Variants in CADM1 observed in about 807,000 individuals in gnomAD.
CADM1 encodes TSLC-1.
A neutral mutation model predicts 53.1 loss-of-function variants in CADM1; 15 were observed. The observed-to-expected ratio is 0.28, with a 90% confidence interval of 0.19 to 0.44. The LOEUF (loss-of-function observed/expected upper bound fraction) is 0.44. Among genes scored for constraint, CADM1 ranks in the 20% least tolerant of loss-of-function variants. The pLI is 1.00. For synonymous variants in CADM1, 281 were observed against 243.0 expected, an observed-to-expected ratio of 1.16 and a Z score of -1.45; for missense variants, 434 against 611.3, an observed-to-expected ratio of 0.71 and a Z score of 3.06.
intron 3 of CADM1, among the ~76,000 whole-genome samples, chr11:115,236,962 T>C (rs1017322805): frequency 1.3e-5 from 2 of 152,194 alleles, no homozygotes; most frequent in Admixed American, 1.3e-4. Context: ...TAAAGGTATA[T>C]GTAGTAAAAT....
At chr11:115,402,885 G>A (rs1483570821) in intron 1 of CADM1, among the ~76,000 whole-genome samples, 2 of 151,964 alleles carry the variant, frequency 1.3e-5, no homozygotes, top group East Asian at 3.9e-4. Context: ...TCAGTACAGA[G>A]GTAAACATAA....
intron 1 of CADM1, among the ~76,000 whole-genome samples, chr11:115,428,005 CAAAAAAA>C (rs66872817): frequency 1.9e-5 from 1 of 54,032 alleles, no homozygotes; most frequent in African/African-American, 8.9e-5. Context: ...GACTCCATCT[CAAAAAAA>C]AAAAAAAAAA....
chr11:115,177,801 T>G (rs193154609), intron 11 of CADM1, among the ~76,000 whole-genome samples: 2 of 152,046 alleles, frequency 1.3e-5, no homozygotes, highest in African/African-American at 4.8e-5. Flanking sequence ...GCACTCTGTA[T>G]CCTAAAGGTG....
chr11:115,402,824 C>G (rs1947197510), intron 1 of CADM1, among the ~76,000 whole-genome samples: 1 of 151,994 alleles, frequency 6.6e-6, no homozygotes, highest in Non-Finnish European at 1.5e-5. Flanking sequence ...GTATAAAACT[C>G]TAAATGAAGG....
rs189358490 is a variant in CADM1 at position 115,182,675 on chromosome 11, G to C, written c.1166-3900C>G. On this transcript the variant is annotated intron_variant, in intron 10 of 11. Coordinates refer to ENST00000331581, the MANE Select transcript of CADM1 (RefSeq NM_001301043.2). ...AGGTAGAAAGCTTGGTGTCCTTTTGGCAAAAAGACTGACCTTGGACTCTGT... is the reference window on the plus strand; with the variant it reads ...AGGTAGAAAGCTTGGTGTCCTTTTGCCAAAAAGACTGACCTTGGACTCTGT... Among the ~76,000 whole-genome samples the C allele has an allele frequency of 4.6e-5, 7 of 152,220 alleles. No individual in the cohort carries two copies. The East Asian group carries it at 1.2e-3, about 25-fold the overall frequency.
At chr11:115,426,553 C>G (rs572985524) in intron 1 of CADM1, among the ~76,000 whole-genome samples, 2 of 152,212 alleles carry the variant, frequency 1.3e-5, no homozygotes, top group East Asian at 3.9e-4. Flanking sequence ...GCCTCCAGAT[C>G]CTCTTGTAGG....
chr11:115,365,474 T>C (rs1002170714), intron 1 of CADM1, among the ~76,000 whole-genome samples: 3 of 152,082 alleles, frequency 2.0e-5, no homozygotes, highest in Non-Finnish European at 2.9e-5. Flanking sequence ...AAGATTAGCA[T>C]TGTGGGTATT....
intron 6 of CADM1, among the ~76,000 whole-genome samples, chr11:115,216,832 A>C (rs1036554200): frequency 2.6e-5 from 4 of 152,204 alleles, no homozygotes; most frequent in Non-Finnish European, 4.4e-5. Flanking sequence ...CTTGTCATAG[A>C]TCATTCCTTA....
At chr11:115,347,161 C>A (rs1404651402) in intron 1 of CADM1, among the ~76,000 whole-genome samples, 1 of 152,166 alleles carries the variant, frequency 6.6e-6, no homozygotes, top group Non-Finnish European at 1.5e-5. Flanking sequence ...TTTGCATCCT[C>A]AGGTCAAAGG....
intron 1 of CADM1, among the ~76,000 whole-genome samples, chr11:115,244,508 T>C (rs1333575243): frequency 1.3e-5 from 2 of 152,190 alleles, no homozygotes; most frequent in African/African-American, 4.8e-5. Flanking sequence ...ATGCTTTACA[T>C]ACTTTTCTCT....
Position 115,491,259 on chromosome 11 carries a change from A to C in CADM1, c.124+13012T>G, listed in dbSNP as rs540020381. ...GGCAATCCTTATTTTCTTGCAAGTA[A>C]CTTGATGAATTAAAAGAAAAAAAAG... On this transcript the variant is annotated intron_variant, in intron 1 of 11. Transcript: ENST00000331581. Among the ~76,000 whole-genome samples, 22 of 152,150 alleles carry C rather than the reference A, an allele frequency of 1.4e-4. No individual in the cohort carries two copies. In the South Asian group the frequency reaches 4.4e-3, roughly 30 times the overall value.
intron 1 of CADM1, among the ~76,000 whole-genome samples, chr11:115,396,147 A>G (rs965529871): frequency 3.3e-5 from 5 of 152,198 alleles, no homozygotes; most frequent in Middle Eastern, 3.2e-3. Flanking sequence ...GCACTACAAA[A>G]TTTGACTTCA....
chr11:115,314,253 T>TG (rs1018551706), intron 1 of CADM1, among the ~76,000 whole-genome samples: 1 of 151,970 alleles, frequency 6.6e-6, no homozygotes, highest in African/African-American at 2.4e-5. Flanking sequence ...AAAGGGCACA[T>TG]GGGGGGACAC....
intron 1 of CADM1, among the ~76,000 whole-genome samples, chr11:115,269,310 G>A (rs1381675302): frequency 6.6e-6 from 1 of 152,116 alleles, no homozygotes; most frequent in African/African-American, 2.4e-5. Flanking sequence ...ACCGACCTGA[G>A]AGAGTCTGCT....
At chr11:115,439,441 C>T (rs1176585123) in intron 1 of CADM1, among the ~76,000 whole-genome samples, 1 of 152,154 alleles carries the variant, frequency 6.6e-6, no homozygotes, top group Non-Finnish European at 1.5e-5. Flanking sequence ...CCTCCTAGTT[C>T]CTCTATCCTG....
chr11:115,391,199 T>C lies in CADM1; in HGVS notation c.124+113072A>G, dbSNP rs1946827782. Reference sequence around the variant, plus strand: ...TAAAAAAAATGAGTACAATTAGACATACAATTTAAAGAATTCATCAATTTA... The same window carrying C: ...TAAAAAAAATGAGTACAATTAGACACACAATTTAAAGAATTCATCAATTTA... On this transcript the variant is annotated intron_variant, in intron 1 of 11. Transcript: ENST00000331581. 2.6e-5 allele frequency among the ~76,000 whole-genome samples: 4 copies of C among 152,230 alleles called. No individual in the cohort carries two copies. The South Asian group carries it at 6.2e-4, about 24-fold the overall frequency.
At chr11:115,342,006 C>T (rs7105871) in intron 1 of CADM1, among the ~76,000 whole-genome samples, 117,260 of 152,090 alleles carry the variant, frequency 0.77, 45,407 homozygotes, top group Admixed American at 0.81. Flanking sequence ...TCTAATCCAA[C>T]GTCTTAGGCT....
rs142253983 is a variant in CADM1 at position 115,300,829 on chromosome 11, T to C, written c.125-60409A>G. 3.1e-3 allele frequency among the ~76,000 whole-genome samples: 466 copies of C among 152,242 alleles called. 2 individuals carry two copies. Among genetic ancestry groups the C allele is most frequent in the African/African-American group, 1.0e-2 (415 of 41,570 alleles). On this transcript the variant is annotated intron_variant, in intron 1 of 11. Transcript: ENST00000331581. ...ATACATTATTTAAAACTGTGAGATA[T>C]GCATGTAGGCTCTGGTCATAAAACT...
chr11:115,337,515 T>C (rs543106876), intron 1 of CADM1, among the ~76,000 whole-genome samples: 7 of 152,162 alleles, frequency 4.6e-5, no homozygotes, highest in Non-Finnish European at 1.0e-4. Flanking sequence ...GCCTTCTATA[T>C]TTCTATTTCT....
Sources: allele counts gnomAD v4.1 joint callset (sites outside exome capture counted in the v4.1 genomes callset), GRCh38; gene constraint gnomAD v4.1.1; transcripts MANE v1.5; gene names NCBI Gene and HGNC (gene_info 2026-07-23, HGNC 2026-07-21).